GPR37: variants seen among roughly 807,000 people sequenced by gnomAD.
GPR37 encodes the protein prosaposin receptor GPR37.
In GPR37, 20 loss-of-function variants were observed where a neutral mutation model predicts 43.6. That is an observed-to-expected ratio of 0.46 (90% CI 0.32 to 0.67). GPR37 has a LOEUF of 0.67. Among genes scored for constraint, GPR37 ranks in the 30% least tolerant of loss-of-function variants. GPR37 has a pLI of 0.03. For missense variants in GPR37, 724 were observed against 797.2 expected (o/e 0.91, Z 1.11); for synonymous variants, 315 against 322.6 (o/e 0.98, Z 0.25).
chr7:124,764,853 C>T lies in GPR37; in HGVS notation c.124G>A (p.Glu42Lys), dbSNP rs758470818. ...PASRNETCLG[E>K]SCAPTVIQRR... Reference sequence around the variant, plus strand: ...TGGATCACTGTAGGTGCACAGCTCTCCCCCAGACAAGTTTCGTTTCTGGAC... The same window carrying T: ...TGGATCACTGTAGGTGCACAGCTCTTCCCCAGACAAGTTTCGTTTCTGGAC... The change falls in exon 1 of 2, where the codon GAG (glutamate) becomes AAG (lysine). Residue 42 changes from glutamate to lysine, a missense_variant. By Grantham distance (56) the Glu-to-Lys change is moderately conservative. Around this residue, in one of 2 missense-constraint regions of GPR37, gnomAD observed 382 missense variants for 355.4 expected, o/e 1.07. Transcript: ENST00000303921. The surrounding 1 kb of genome is among the most constrained non-coding windows in gnomAD (Gnocchi z 5.4). The T allele has an allele frequency of 1.7e-5, 27 of 1,612,976 alleles. No homozygotes were observed. The South Asian group carries it at 2.7e-4, about 16-fold the overall frequency.
intron 1 of GPR37, among the ~76,000 whole-genome samples, chr7:124,757,153 C>T (rs1002838867): frequency 2.6e-5 from 4 of 152,054 alleles, no homozygotes; most frequent in African/African-American, 9.7e-5. Flanking sequence ...AAAGTATCGC[C>T]CTTGTCCATC....
chr7:124,764,421 C>T lies in GPR37; in HGVS notation c.556G>A (p.Ala186Thr). Residue 186 changes from alanine to threonine, a missense_variant, in exon 1 of 2, where the codon GCC becomes ACC. Coordinates refer to ENST00000303921, the MANE Select transcript of GPR37 (RefSeq NM_005302.5). The surrounding 1 kb of genome is among the most constrained non-coding windows in gnomAD (Gnocchi z 5.4). ...TGGTGGGAACCCTGGAGTTTCCCGG[C>T]TCTCCTTGGCCAGTAAAAAAGATCG... is the stretch of plus-strand genomic sequence containing the variant. ...ASDLFYWPRRAGKLQGSHHKP... is the reference protein window; with the variant it reads ...ASDLFYWPRRTGKLQGSHHKP... The T allele has an allele frequency of 6.2e-7, 1 of 1,613,652 alleles. No homozygotes were observed. The highest frequency in any genetic ancestry group is 8.5e-7 in the Non-Finnish European group (1 of 1,180,040).
In GPR37 at chr7:124,764,140, G is replaced by A. The variant is rs548473189; in HGVS notation, c.837C>T (p.Asn279=). The part of the protein sequence containing the change: ...VVIFGTGIIG[N]LAVMCIVCHN... ...GGCACACGATGCACATCACCGCCAG[G>A]TTGCCAATGATGCCGGTCCCGAAGA... The change falls in exon 1 of 2, where the codon AAC becomes AAT. Residue 279 remains asparagine (N), a synonymous_variant. Coordinates refer to ENST00000303921, the MANE Select transcript of GPR37 (RefSeq NM_005302.5). The surrounding 1 kb of genome is among the most constrained non-coding windows in gnomAD (Gnocchi z 5.4). The A allele has an allele frequency of 6.2e-7, 1 of 1,609,006 alleles. No individual in the cohort carries two copies. Among genetic ancestry groups the A allele is most frequent in the African/African-American group, 1.3e-5 (1 of 74,992 alleles).
chr7:124,764,023 G>A lies in GPR37; in HGVS notation c.954C>T (p.Val318=), dbSNP rs1793881659. The stretch of plus-strand genomic sequence containing the variant: ...ACTTCTTGGTCAGCTCGTGGAAGAT[G>A]ACCAGCGGAAGGCAGAAGAAGATGA... ...FLIIFFCLPL[V]IFHELTKKWL... is the part of the protein sequence containing the mutation. Residue 318 remains valine (V), a synonymous_variant, in exon 1 of 2, where the codon GTC becomes GTT. Transcript: ENST00000303921. The surrounding 1 kb of genome is among the most constrained non-coding windows in gnomAD (Gnocchi z 5.4). 1 of 1,613,986 alleles carries A rather than the reference G, an allele frequency of 6.2e-7. No homozygotes were observed. The highest frequency in any genetic ancestry group is 1.3e-5 in the African/African-American group (1 of 74,938).
intron 1 of GPR37, among the ~76,000 whole-genome samples, chr7:124,751,969 C>T (rs1330646076): frequency 6.6e-6 from 1 of 152,042 alleles, no homozygotes; most frequent in East Asian, 1.9e-4. Flanking sequence ...AAAATTTTAA[C>T]TATTGGGGAA....
Position 124,759,872 on chromosome 7 carries a change from A to G in GPR37, c.1023+4082T>C, listed in dbSNP as rs188898499. 9.2e-5 allele frequency among the ~76,000 whole-genome samples: 14 copies of G among 152,326 alleles called. No homozygotes were observed. In the East Asian group the frequency reaches 2.5e-3, roughly 27 times the overall value. ...GAGGAGTTGAATGAAAATTAGAAAA[A>G]GTATAGTTTTTACTCAAGAAGTACC... On this transcript the variant is annotated intron_variant, in intron 1 of 1. Coordinates refer to ENST00000303921, the MANE Select transcript of GPR37 (RefSeq NM_005302.5).
In GPR37 at chr7:124,756,617, A is replaced by T. The variant is rs770946782; in HGVS notation, c.1023+7337T>A. Among the ~76,000 whole-genome samples the T allele has an allele frequency of 6.6e-5, 10 of 152,328 alleles. 1 individual carries two copies. The highest frequency in any genetic ancestry group is 3.4e-3 in the Middle Eastern group (1 of 294). ...TATTATTCCAATTAGGATATTTAAG[A>T]GTTAGTCTTGGCAACAAGGTTGAGT... On this transcript the variant is annotated intron_variant, in intron 1 of 1. Transcript: ENST00000303921.
chr7:124,760,520 AACTT>A (rs1426529521), intron 1 of GPR37, among the ~76,000 whole-genome samples: 4 of 152,346 alleles, frequency 2.6e-5, no homozygotes, highest in South Asian at 4.1e-4. Context: ...CCAATTGCAG[AACTT>A]ACTGACAGTT....
At chr7:124,756,712 A>T (rs1463143676) in intron 1 of GPR37, among the ~76,000 whole-genome samples, 1 of 152,238 alleles carries the variant, frequency 6.6e-6, no homozygotes, top group Non-Finnish European at 1.5e-5. Flanking sequence ...AGGATGGAGC[A>T]GAAGTGCAGA....
At chr7:124,761,899 T>C (rs1032731325) in intron 1 of GPR37, among the ~76,000 whole-genome samples, 3 of 152,188 alleles carry the variant, frequency 2.0e-5, no homozygotes, top group African/African-American at 7.2e-5. Flanking sequence ...AAAATGTATA[T>C]TATACTGTAA....
chr7:124,759,725 A>C (rs1205891582), intron 1 of GPR37, among the ~76,000 whole-genome samples: 3 of 152,188 alleles, frequency 2.0e-5, no homozygotes, highest in Non-Finnish European at 2.9e-5. Flanking sequence ...CATCAACTAC[A>C]ACAGTTCCCA....
rs561953129 is a variant in GPR37 at position 124,765,026 on chromosome 7, C to A, written c.-50G>T. 2.1e-6 allele frequency: 3 copies of A among 1,410,424 alleles called. No homozygotes were observed. The highest frequency in any genetic ancestry group is 1.5e-5 in the South Asian group (1 of 66,870). The allele number at this position is 1,410,424 out of a possible 1,614,324, so 87.4% of individuals were successfully genotyped here. ...GCCGCAGCTCCTGCTTAGTTAGGATCGACACCTGCTGCCGAAGTTGCTGCT... is the reference window on the plus strand; with the variant it reads ...GCCGCAGCTCCTGCTTAGTTAGGATAGACACCTGCTGCCGAAGTTGCTGCT... On this transcript the variant is annotated 5_prime_UTR_variant, in exon 1 of 2. Coordinates refer to ENST00000303921, the MANE Select transcript of GPR37 (RefSeq NM_005302.5).
intron 1 of GPR37, among the ~76,000 whole-genome samples, chr7:124,749,273 G>A (rs750203798): frequency 1.3e-5 from 2 of 151,972 alleles, no homozygotes; most frequent in South Asian, 2.1e-4. Context: ...GATAAAATAT[G>A]AGACTAAAAG....
rs1793670505 is a variant in GPR37 at position 124,746,427 on chromosome 7, T to A, written c.*98A>T. The A allele has an allele frequency of 1.2e-6, 1 of 864,814 alleles. No individual in the cohort carries two copies. The highest frequency in any genetic ancestry group is 2.0e-5 in the South Asian group (1 of 49,844). 53.6% of individuals were successfully genotyped at this position (864,814 alleles called of 1,614,324 possible). A position where few individuals can be genotyped will look rare whatever the true frequency, so the allele number is the denominator to read the frequency against. On this transcript the variant is annotated 3_prime_UTR_variant, in exon 2 of 2. Coordinates refer to ENST00000303921, the MANE Select transcript of GPR37 (RefSeq NM_005302.5). ...TTAATATTTCTTTCTTTATTGTTTC[T>A]TTTTTGCATTTTTCCCTATAAGGAA...
Position 124,764,999 on chromosome 7 carries a change from C to T in GPR37, c.-23G>A, listed in dbSNP as rs1793903067. The T allele has an allele frequency of 1.4e-6, 2 of 1,436,274 alleles. No individual in the cohort carries two copies. Among genetic ancestry groups the T allele is most frequent in the Non-Finnish European group, 9.1e-7 (1 of 1,098,962 alleles). The allele number at this position is 1,436,274 out of a possible 1,614,324, so 89.0% of individuals were successfully genotyped here. On this transcript the variant is annotated 5_prime_UTR_variant, in exon 1 of 2. Transcript: ENST00000303921. The surrounding 1 kb of genome is among the most constrained non-coding windows in gnomAD (Gnocchi z 5.4). Reference sequence around the variant, plus strand: ...CATGGCTTGGTGAGGGCACACCCGGCAGCCGCAGCTCCTGCTTAGTTAGGA... The same window carrying T: ...CATGGCTTGGTGAGGGCACACCCGGTAGCCGCAGCTCCTGCTTAGTTAGGA...
chr7:124,762,509 T>A (rs1045492626), intron 1 of GPR37, among the ~76,000 whole-genome samples: 13 of 152,076 alleles, frequency 8.5e-5, no homozygotes, highest in African/African-American at 2.9e-4. Context: ...AAAAAGAAAT[T>A]TGAAACTGAC....
chr7:124,748,427 T>C (rs1793696867), intron 1 of GPR37, among the ~76,000 whole-genome samples: 1 of 152,070 alleles, frequency 6.6e-6, no homozygotes, highest in Admixed American at 6.6e-5. Flanking sequence ...TCTGGAAGAA[T>C]GCACTTTAAA....
chr7:124,764,794 A>G lies in GPR37; in HGVS notation c.183T>C (p.Asn61=). 1 of 1,613,384 alleles carries G rather than the reference A, an allele frequency of 6.2e-7. No homozygotes were observed. The highest frequency in any genetic ancestry group is 2.2e-5 in the East Asian group (1 of 44,822). The change falls in exon 1 of 2, where the codon AAT becomes AAC. Residue 61 remains asparagine (N), a synonymous_variant. Transcript: ENST00000303921. The surrounding 1 kb of genome is among the most constrained non-coding windows in gnomAD (Gnocchi z 5.4). ...GGGCTCGCAGAACGTCTCTTGCAGA[A>G]TTTCCCGGTCCCCAGGCGTCCCTGC... The part of the protein sequence containing the change: ...RRGRDAWGPG[N]SARDVLRARA...
At position 124,746,703 on chromosome 7, in the gene GPR37, G is replaced by A. The variant is rs1403088779; in HGVS notation, c.1664C>T (p.Pro555Leu). The stretch of plus-strand genomic sequence containing the variant: ...GCACTCCATGAAGGCCCGACTGAAG[G>A]GTTTGCAGAGACAGAAAAGGAGGAC... ...TPVLLFCLCK[P>L]FSRAFMECCC... Residue 555 changes from proline (P) to leucine (L), a missense_variant, in exon 2 of 2, where the codon CCC (proline) becomes CTC (leucine). Transcript: ENST00000303921. 1 of 1,613,942 alleles carries A rather than the reference G, an allele frequency of 6.2e-7. No homozygotes were observed. The highest frequency in any genetic ancestry group is 1.7e-5 in the Admixed American group (1 of 60,002).
Sources: allele counts gnomAD v4.1 joint callset (sites outside exome capture counted in the v4.1 genomes callset), GRCh38; gene constraint gnomAD v4.1.1; regional missense constraint gnomAD v4.1.1; non-coding constraint Gnocchi (gnomAD v3.1); transcripts MANE v1.5; gene names NCBI Gene and HGNC (gene_info 2026-07-23, HGNC 2026-07-21).